Variants in MLLT3 observed in about 807,000 individuals in gnomAD.
The protein encoded by MLLT3 is protein AF-9.
In MLLT3, 4 loss-of-function variants were observed where a neutral mutation model predicts 53.2. The observed-to-expected ratio is 0.08, with a 90% CI of 0.04 to 0.17. The LOEUF (loss-of-function observed/expected upper bound fraction) is 0.17. MLLT3 is among the 10% of genes least tolerant of loss of function. MLLT3 has a pLI of 1.00. For synonymous variants in MLLT3, 283 were observed against 230.6 expected (o/e 1.23, Z -2.06); for missense variants, 569 against 684.0 (o/e 0.83, Z 1.87).
intron 4 of MLLT3, among the ~76,000 whole-genome samples, chr9:20,443,848 A>C (rs1165687998): frequency 3.9e-5 from 6 of 152,200 alleles, no homozygotes; most frequent in African/African-American, 1.4e-4. Flanking sequence ...CACAGCTAAT[A>C]AACTGAGATG....
intron 2 of MLLT3, among the ~76,000 whole-genome samples, chr9:20,499,759 C>G (rs1444289726): frequency 6.6e-6 from 1 of 152,158 alleles, no homozygotes; most frequent in East Asian, 1.9e-4. Flanking sequence ...CTTTTAAGAT[C>G]TCTATTGTTC....
intron 8 of MLLT3, among the ~76,000 whole-genome samples, chr9:20,356,586 C>G (rs1286541185): frequency 6.6e-6 from 1 of 152,110 alleles, no homozygotes; most frequent in African/African-American, 2.4e-5. Flanking sequence ...AAGTGCCTGC[C>G]TGCTTGACTT....
Position 20,507,031 on chromosome 9 carries a change from T to C in MLLT3, c.194-50245A>G, listed in dbSNP as rs569513014. 1.7e-4 allele frequency among the ~76,000 whole-genome samples: 26 copies of C among 152,358 alleles called. No individual in the cohort carries two copies. The South Asian group carries it at 5.0e-3, about 29-fold the overall frequency. ...AACACTTACTATTCAATTGGCAGTA[T>C]GAAGAGTGCAAGGCACCCCCTAAAA... On this transcript the variant is annotated intron_variant, in intron 2 of 10. Transcript: ENST00000380338.
intron 4 of MLLT3, among the ~76,000 whole-genome samples, chr9:20,422,517 TG>T (rs1475760575): frequency 3.3e-5 from 5 of 152,196 alleles, no homozygotes; most frequent in African/African-American, 1.2e-4. Flanking sequence ...GTCTGGATTT[TG>T]CACTAATGAC....
At chr9:20,457,241 T>C (rs1823993445) in intron 2 of MLLT3, among the ~76,000 whole-genome samples, 2 of 129,348 alleles carry the variant, frequency 1.5e-5, no homozygotes, top group Non-Finnish European at 3.2e-5. Context: ...AGGACATCTT[T>C]TTTTTTTTTT....
In MLLT3 at chr9:20,586,651, T is replaced by C. The variant is rs1421769788; in HGVS notation, c.193+34003A>G. Among the ~76,000 whole-genome samples, 4 of 149,548 alleles carry C rather than the reference T, an allele frequency of 2.7e-5. No homozygotes were observed. The East Asian group carries it at 5.9e-4, about 22-fold the overall frequency. ...AACTATGGCAGGTCACAAGTCAAAC[T>C]CCAATTTAAAGCCCCTAATAAACAT... On this transcript the variant is annotated intron_variant, in intron 2 of 10. Transcript: ENST00000380338.
intron 8 of MLLT3, among the ~76,000 whole-genome samples, chr9:20,357,752 G>A (rs1821205062): frequency 6.6e-6 from 1 of 152,104 alleles, no homozygotes; most frequent in African/African-American, 2.4e-5. Context: ...TTGAGAAAAG[G>A]CAATGGACAT....
intron 7 of MLLT3, among the ~76,000 whole-genome samples, chr9:20,361,875 C>T (rs1821332193): frequency 6.6e-6 from 1 of 152,158 alleles, no homozygotes. Flanking sequence ...GTTTTTCTTT[C>T]ACTCTGAATA....
intron 2 of MLLT3, among the ~76,000 whole-genome samples, chr9:20,549,548 C>A (rs369389540): frequency 1.3e-5 from 2 of 152,166 alleles, no homozygotes; most frequent in Admixed American, 1.3e-4. Flanking sequence ...GTACTTTATG[C>A]GACCCATTCT....
intron 2 of MLLT3, among the ~76,000 whole-genome samples, chr9:20,477,365 G>A (rs892281983): frequency 2.0e-5 from 3 of 152,086 alleles, no homozygotes; most frequent in Admixed American, 6.6e-5. Flanking sequence ...AGAGAGAGGA[G>A]TGAAACAACT....
chr9:20,588,945 A>G (rs4304409), intron 2 of MLLT3, among the ~76,000 whole-genome samples: 122,040 of 149,732 alleles, frequency 0.82, 49,887 homozygotes, highest in Middle Eastern at 0.89. Context: ...ACAGGTGCTG[A>G]AGAGCATGTG....
rs773624779 is a variant in MLLT3 at position 20,621,751 on chromosome 9, A to C, written c.12+494T>G. The C allele has an allele frequency of 1.0e-5, 15 of 1,488,206 alleles. No homozygotes were observed. In the South Asian group the frequency reaches 1.9e-4, roughly 19 times the overall value. The allele number at this position is 1,488,206 out of a possible 1,614,324, so 92.2% of individuals were successfully genotyped here. A position where few individuals can be genotyped will look rare whatever the true frequency, so the allele number is the denominator to read the frequency against. On this transcript the variant is annotated intron_variant, in intron 1 of 10. Transcript: ENST00000380338. This position sits in a 1 kb window ranked among gnomAD's most constrained non-coding sequence, Gnocchi z 7.0. ...CAGCCCCGCACACTTCGGCTCACAC[A>C]CGCGCGCCGCGGAGAACGCACCATC...
At chr9:20,394,362 C>T (rs1822266544) in intron 5 of MLLT3, among the ~76,000 whole-genome samples, 2 of 152,148 alleles carry the variant, frequency 1.3e-5, no homozygotes, top group Non-Finnish European at 2.9e-5. Flanking sequence ...TGAGCCGCAG[C>T]TTTAAGAAAC....
In MLLT3 at chr9:20,342,926, C is replaced by T. The variant is rs181373612; in HGVS notation, c.*3517G>A. 2.1e-5 allele frequency: 4 copies of T among 187,276 alleles called. No homozygotes were observed. Among genetic ancestry groups the T allele is most frequent in the Admixed American group, 6.3e-5 (1 of 15,950 alleles). 11.6% of individuals were successfully genotyped at this position (187,276 alleles called of 1,614,324 possible). A position where few individuals can be genotyped will look rare whatever the true frequency, so the allele number is the denominator to read the frequency against. On this transcript the variant is annotated 3_prime_UTR_variant, in exon 11 of 11. Coordinates refer to ENST00000380338, the MANE Select transcript of MLLT3 (RefSeq NM_004529.4). ...AAGGTGGAAAGTAATAAGCATACAG[C>T]AAATTACTCCAGAGCAGATCACTTC...
At chr9:20,603,912 C>A (rs932241244) in intron 2 of MLLT3, among the ~76,000 whole-genome samples, 1 of 152,006 alleles carries the variant, frequency 6.6e-6, no homozygotes, top group Admixed American at 6.6e-5. Context: ...ACATGAAAAT[C>A]TTAACCCTGG....
At chr9:20,555,411 T>C (rs1260670890) in intron 2 of MLLT3, among the ~76,000 whole-genome samples, 1 of 152,044 alleles carries the variant, frequency 6.6e-6, no homozygotes, top group Non-Finnish European at 1.5e-5. Context: ...CCACCCAAAG[T>C]CCTAGGATTA....
Position 20,346,025 on chromosome 9 carries a change from A to G in MLLT3, c.*418T>C, listed in dbSNP as rs1281386876. The G allele has an allele frequency of 8.4e-6, 2 of 237,454 alleles. No individual in the cohort carries two copies. Among genetic ancestry groups the G allele is most frequent in the African/African-American group, 2.2e-5 (1 of 45,250 alleles). The allele number at this position is 237,454 out of a possible 1,614,324, so 14.7% of individuals were successfully genotyped here. A position where few individuals can be genotyped will look rare whatever the true frequency, so the allele number is the denominator to read the frequency against. On this transcript the variant is annotated 3_prime_UTR_variant, in exon 11 of 11. Coordinates refer to ENST00000380338, the MANE Select transcript of MLLT3 (RefSeq NM_004529.4). ...TCCCTCAACGACTTAGAATATCTGT[A>G]TGCGATAATAAATAGATCAGTTATG...
chr9:20,471,339 C>T (rs981396441), intron 2 of MLLT3, among the ~76,000 whole-genome samples: 12 of 151,870 alleles, frequency 7.9e-5, no homozygotes, highest in Non-Finnish European at 1.3e-4. Context: ...AAGAGGAATT[C>T]GGAGAAATGC....
In MLLT3 at chr9:20,360,887, T is replaced by C. The variant is rs1375066533; in HGVS notation, c.1332-46A>G. The C allele has an allele frequency of 2.7e-6, 4 of 1,503,336 alleles. No homozygotes were observed. In the South Asian group the frequency reaches 3.4e-5, roughly 13 times the overall value. 93.1% of individuals were successfully genotyped at this position (1,503,336 alleles called of 1,614,324 possible). On this transcript the variant is annotated intron_variant, in intron 7 of 10. Transcript: ENST00000380338. ...TATGCACATCATTACAAACAGATGA[T>C]TCTTGAAATACCCATAGAAATAGGC...
Sources: gnomAD v4.1 joint callset for allele counts (sites outside exome capture counted in the v4.1 genomes callset) on GRCh38, gnomAD v4.1.1 for gene constraint, Gnocchi (gnomAD v3.1) non-coding constraint, MANE v1.5 for transcripts, NCBI Gene and HGNC (gene_info 2026-07-23, HGNC 2026-07-21) for gene names.